Variants in SPTLC2 observed in about 807,000 individuals in gnomAD.
The protein encoded by SPTLC2 is serine palmitoyltransferase 2.
Under a neutral mutation model 62.0 loss-of-function variants are expected in SPTLC2, and 21 were observed. The observed-to-expected ratio is 0.34, with a 90% CI of 0.24 to 0.49. SPTLC2 has a LOEUF of 0.49. Ranked by LOEUF, SPTLC2 falls within the 20% of genes least tolerant of loss-of-function variation. The pLI is 0.99. For missense variants in SPTLC2, 511 were observed against 713.0 expected (o/e 0.72, Z 3.23); for synonymous variants, 261 against 261.8 (o/e 1.00, Z 0.03).
chr14:77,536,637 T>A (rs2140005435), intron 9 of SPTLC2, among the ~76,000 whole-genome samples: 1 of 152,246 alleles, frequency 6.6e-6, no homozygotes, highest in African/African-American at 2.4e-5. Context: ...GCAAAACTTT[T>A]GTGGGAGGTG....
chr14:77,511,128 C>T lies in SPTLC2; in HGVS notation c.*1156G>A, dbSNP rs1406398676. The stretch of plus-strand genomic sequence containing the variant: ...AGCCCCAGATGCCAGATTCAATTGA[C>T]TTAGGACATCAAGAATAAAAGAGAA... On this transcript the variant is annotated 3_prime_UTR_variant, in exon 12 of 12. Coordinates refer to ENST00000216484, the MANE Select transcript of SPTLC2 (RefSeq NM_004863.4). 1.3e-5 allele frequency: 2 copies of T among 152,192 alleles called. No homozygotes were observed. The highest frequency in any genetic ancestry group is 2.9e-5 in the Non-Finnish European group (2 of 68,038). 9.4% of individuals were successfully genotyped at this position (152,192 alleles called of 1,614,324 possible).
At chr14:77,586,388 T>C (rs964345269) in intron 2 of SPTLC2, among the ~76,000 whole-genome samples, 1 of 152,166 alleles carries the variant, frequency 6.6e-6, no homozygotes, top group African/African-American at 2.4e-5. Flanking sequence ...AAAATAATTT[T>C]TTTAAAGGTA....
At chr14:77,530,144 G>C (rs1250343652) in intron 9 of SPTLC2, among the ~76,000 whole-genome samples, 5 of 152,086 alleles carry the variant, frequency 3.3e-5, no homozygotes, top group African/African-American at 1.2e-4. Context: ...ATGTGGAGGA[G>C]GAGATAGGAG....
chr14:77,586,462 A>G (rs1017181364), intron 2 of SPTLC2, among the ~76,000 whole-genome samples: 2 of 152,270 alleles, frequency 1.3e-5, no homozygotes, highest in African/African-American at 2.4e-5. Flanking sequence ...GGAAACAGAT[A>G]CTCGAACAAG....
At chr14:77,592,117 T>G (rs2886132) in intron 2 of SPTLC2, among the ~76,000 whole-genome samples, 13,531 of 151,456 alleles carry the variant, frequency 0.089, 809 homozygotes, top group Admixed American at 0.18. Flanking sequence ...AAATGACAGG[T>G]ACCAGAATAT....
intron 1 of SPTLC2, among the ~76,000 whole-genome samples, chr14:77,614,292 T>C (rs1333075822): frequency 6.6e-6 from 1 of 152,194 alleles, no homozygotes; most frequent in Non-Finnish European, 1.5e-5. Context: ...ACATAACTCA[T>C]AGGGATTGAA....
intron 9 of SPTLC2, chr14:77,535,957 T>C (rs1247376747): frequency 2.2e-5 from 10 of 455,292 alleles, no homozygotes; most frequent in South Asian, 1.4e-4. Flanking sequence ...AGAGAAACGA[T>C]GATAGGTATT....
chr14:77,586,338 A>C (rs10400797), intron 2 of SPTLC2, among the ~76,000 whole-genome samples: 61,376 of 151,944 alleles, frequency 0.4, 12,867 homozygotes, highest in East Asian at 0.61. Context: ...GGCCTCCCAA[A>C]GTGTTGGGAT....
chr14:77,519,071 C>G (rs1307208773), intron 10 of SPTLC2, among the ~76,000 whole-genome samples: 1 of 152,042 alleles, frequency 6.6e-6, no homozygotes, highest in African/African-American at 2.4e-5. Flanking sequence ...TTGAGTCTCT[C>G]GCTTTGTCGC....
intron 1 of SPTLC2, among the ~76,000 whole-genome samples, chr14:77,609,743 T>C (rs962502222): frequency 6.6e-5 from 10 of 151,824 alleles, no homozygotes; most frequent in African/African-American, 2.2e-4. Context: ...AAAAAAAATT[T>C]TGCCACTCAT....
intron 1 of SPTLC2, among the ~76,000 whole-genome samples, chr14:77,604,326 G>GA (rs1268016342): frequency 2.0e-5 from 3 of 152,166 alleles, no homozygotes; most frequent in African/African-American, 7.2e-5. Context: ...CAAGAGCTGT[G>GA]CCAATTCCTG....
chr14:77,605,309 C>T (rs1467760150), intron 1 of SPTLC2, among the ~76,000 whole-genome samples: 2 of 151,950 alleles, frequency 1.3e-5, no homozygotes, highest in Admixed American at 1.3e-4. Flanking sequence ...CCATGCCTGG[C>T]CCAGAACAAA....
At chr14:77,576,237 T>TGA (rs1437643627) in intron 4 of SPTLC2, among the ~76,000 whole-genome samples, 1 of 152,210 alleles carries the variant, frequency 6.6e-6, no homozygotes, top group Admixed American at 6.5e-5. Flanking sequence ...TAAAATAAAT[T>TGA]GAATCTCTTT....
chr14:77,608,465 T>C (rs1281107281), intron 1 of SPTLC2, among the ~76,000 whole-genome samples: 1 of 152,166 alleles, frequency 6.6e-6, no homozygotes, highest in African/African-American at 2.4e-5. Flanking sequence ...TTAGCTTATA[T>C]GCTTTAGATC....
chr14:77,564,050 G>A lies in SPTLC2; in HGVS notation c.757-1561C>T, dbSNP rs185639373. On this transcript the variant is annotated intron_variant, in intron 5 of 11. Transcript: ENST00000216484. ...GTGGATCACTTGAGGTCAGGAGTTC[G>A]AGACCAGCCTGGCCAACATGGCAAA... Among the ~76,000 whole-genome samples, 651 of 151,736 alleles carry A rather than the reference G, an allele frequency of 4.3e-3. 4 individuals are homozygous for A. Among genetic ancestry groups the A allele is most frequent in the African/African-American group, 0.014 (584 of 41,414 alleles).
chr14:77,518,235 G>A, intron 10 of SPTLC2, 68 bp from the exon 11 acceptor site: 1 of 1,603,274 alleles, frequency 6.2e-7, no homozygotes, highest in Non-Finnish European at 8.5e-7. Context: ...AGGACCTGCT[G>A]TCCTCAAAGA....
chr14:77,581,122 T>A (rs1228800745), intron 2 of SPTLC2, among the ~76,000 whole-genome samples: 1 of 152,218 alleles, frequency 6.6e-6, no homozygotes, highest in Non-Finnish European at 1.5e-5. Context: ...TTTTACTGTA[T>A]CAGCCAACTA....
intron 9 of SPTLC2, among the ~76,000 whole-genome samples, chr14:77,550,261 T>C (rs987706578): frequency 1.6e-4 from 24 of 152,202 alleles, no homozygotes; most frequent in Non-Finnish European, 2.4e-4. Context: ...AGAAAAAATG[T>C]TAAGGTAAAA....
intron 10 of SPTLC2, among the ~76,000 whole-genome samples, chr14:77,520,620 A>G (rs1441676248): frequency 6.6e-6 from 1 of 152,206 alleles, no homozygotes; most frequent in Non-Finnish European, 1.5e-5. Context: ...GCATATAATA[A>G]AATTTGTTCA....
Sources: gnomAD v4.1 joint callset for allele counts (sites outside exome capture counted in the v4.1 genomes callset) on GRCh38, gnomAD v4.1.1 for gene constraint, MANE v1.5 for transcripts, NCBI Gene and HGNC (gene_info 2026-07-23, HGNC 2026-07-21) for gene names.